SECISBP2L: variants seen among roughly 807,000 people sequenced by gnomAD.
SECISBP2L encodes SECIS binding protein 2 like, also known as selenocysteine insertion sequence-binding protein 2-like.
SECISBP2L carries 43 observed loss-of-function variants against 114.7 expected under a neutral mutation model. That is an observed-to-expected ratio of 0.38 (90% CI 0.29 to 0.48). The LOEUF (loss-of-function observed/expected upper bound fraction) is 0.48, where lower values mean the gene tolerates loss of function less well. SECISBP2L is among the 20% of genes least tolerant of loss of function. The pLI is 0.98. For missense variants in SECISBP2L, 1,136 were observed against 1,301.1 expected (o/e 0.87, Z 1.95); for synonymous variants, 451 against 439.7 (o/e 1.03, Z -0.32).
At chr15:49,016,223 G>T (rs1490908733) in intron 11 of SECISBP2L, among the ~76,000 whole-genome samples, 1 of 152,176 alleles carries the variant, frequency 6.6e-6, no homozygotes, top group African/African-American at 2.4e-5. Flanking sequence ...GGGAAAAGCA[G>T]GTAGTAGTAA....
intron 4 of SECISBP2L, among the ~76,000 whole-genome samples, chr15:49,031,797 G>C (rs1902894166): frequency 6.6e-6 from 1 of 152,124 alleles, no homozygotes; most frequent in Non-Finnish European, 1.5e-5. Context: ...TAGAAAGAAT[G>C]TCTTTGTGGT....
At position 49,017,359 on chromosome 15, in the gene SECISBP2L, G is replaced by C. The variant is rs575051980; in HGVS notation, c.1251+189C>G. Among the ~76,000 whole-genome samples, 4 of 152,208 alleles carry C rather than the reference G, an allele frequency of 2.6e-5. No individual in the cohort carries two copies. In the South Asian group the frequency reaches 6.2e-4, roughly 24 times the overall value. On this transcript the variant is annotated intron_variant, in intron 9 of 17. Transcript: ENST00000559471. ...AATGGTATTTTAGTAATAGAACTGT[G>C]GATTTCATAGGGTATTATCTTTGTT...
At chr15:49,035,809 T>TA in intron 2 of SECISBP2L, 151 bp from the exon 3 acceptor site, 1 of 701,144 alleles carries the variant, frequency 1.4e-6, no homozygotes, top group South Asian at 2.0e-5. Flanking sequence ...CATCATCTTA[T>TA]AAATTTCTTT....
chr15:49,013,275 CTCAG>C (rs1381935953), intron 11 of SECISBP2L: 1 of 150,598 alleles, frequency 6.6e-6, no homozygotes, highest in Non-Finnish European at 1.5e-5. Context: ...CTCAGCCTCA[CTCAG>C]TAATTATTTT....
At chr15:48,998,236 A>C (rs1902134946) in intron 16 of SECISBP2L, among the ~76,000 whole-genome samples, 1 of 152,250 alleles carries the variant, frequency 6.6e-6, no homozygotes, top group South Asian at 2.1e-4. Context: ...TATAAGTAGC[A>C]TCCTTTATCC....
intron 11 of SECISBP2L, 60 bp from the exon 12 acceptor site, chr15:49,012,877 T>C (rs1902464782): frequency 2.6e-6 from 4 of 1,525,844 alleles, no homozygotes; most frequent in Non-Finnish European, 3.5e-6. Context: ...ACTTTCAAAA[T>C]TTCCAATAAC....
At chr15:49,008,153 T>G (rs1448851252) in intron 14 of SECISBP2L, among the ~76,000 whole-genome samples, 1 of 152,214 alleles carries the variant, frequency 6.6e-6, no homozygotes, top group Non-Finnish European at 1.5e-5. Context: ...TTGGTGTTTC[T>G]TATCTATGAA....
At chr15:48,997,064 T>C (rs1202103200) in intron 16 of SECISBP2L, among the ~76,000 whole-genome samples, 1 of 152,172 alleles carries the variant, frequency 6.6e-6, no homozygotes, top group Non-Finnish European at 1.5e-5. Flanking sequence ...TGGGCATCAC[T>C]GAGGAAGTCA....
chr15:48,988,750 G>A lies in SECISBP2L; in HGVS notation c.*3494C>T. 1 of 304,656 alleles carries A rather than the reference G, an allele frequency of 3.3e-6. No individual in the cohort carries two copies. Among genetic ancestry groups the A allele is most frequent in the Admixed American group, 3.9e-5 (1 of 25,380 alleles). 18.9% of individuals were successfully genotyped at this position (304,656 alleles called of 1,614,324 possible). On this transcript the variant is annotated 3_prime_UTR_variant, in exon 18 of 18. Coordinates refer to ENST00000559471, the MANE Select transcript of SECISBP2L (RefSeq NM_001193489.2). ...TGATATAACAATTATCCTTCATACA[G>A]CAAAAGATGAAAATCCCTTCATGTT...
rs1246397249 is a variant in SECISBP2L at position 48,992,387 on chromosome 15, C to T, written c.3163G>A (p.Ala1055Thr). The T allele has an allele frequency of 6.2e-7, 1 of 1,614,192 alleles. No homozygotes were observed. The change falls in exon 18 of 18, where the codon GCG becomes ACG. Residue 1055 changes from alanine (A) to threonine (T), a missense_variant. By Grantham distance (58) the Ala-to-Thr change is moderately conservative (BLOSUM62 0). This residue lies in a region of SECISBP2L where 684 missense variants were observed against 848.7 expected (regional missense o/e 0.81). Coordinates refer to ENST00000559471, the MANE Select transcript of SECISBP2L (RefSeq NM_001193489.2). ...ATCCCTGGCTCCAGCACCTCAGGCG[C>T]CTCTGCTTCCTCTTCTCCACTTTGC... ...VEQSGEEEAE[A>T]PEVLEPGMDS...
rs374530510 is a variant in SECISBP2L, at chr15:49,008,843, C to A, written c.2027+373G>T. Among the ~76,000 whole-genome samples, 16 of 152,118 alleles carry A rather than the reference C, an allele frequency of 1.1e-4. No homozygotes were observed. The East Asian group carries it at 2.7e-3, about 26-fold the overall frequency. On this transcript the variant is annotated intron_variant, in intron 14 of 17. Transcript: ENST00000559471. ...ACTTCATATAATAGGGTCTTAGAAA[C>A]CTATTAATTGGTTAGAGTGATCTTT...
chr15:49,041,390 ACT>A (rs1008706691), intron 1 of SECISBP2L, among the ~76,000 whole-genome samples: 18 of 152,172 alleles, frequency 1.2e-4, no homozygotes, highest in African/African-American at 4.3e-4. Context: ...AAAGCTCAAG[ACT>A]CTGTCAGAGT....
At chr15:49,014,603 G>A (rs1902500513) in intron 11 of SECISBP2L, among the ~76,000 whole-genome samples, 2 of 152,200 alleles carry the variant, frequency 1.3e-5, no homozygotes, top group African/African-American at 4.8e-5. Context: ...ATTCAAGACA[G>A]AATCTGGAGT....
chr15:49,004,623 T>G (rs965448298), intron 14 of SECISBP2L, among the ~76,000 whole-genome samples: 2 of 152,244 alleles, frequency 1.3e-5, no homozygotes, highest in African/African-American at 4.8e-5. Context: ...GAGATTCTAG[T>G]ACGTTGTGTC....
chr15:48,989,200 T>C lies in SECISBP2L; in HGVS notation c.*3044A>G, dbSNP rs1163112407. ...CTTTATACATATATTAAAGTAACAATGTGTTAAGATTGAACAGTTTCATGT... is the reference window on the plus strand; with the variant it reads ...CTTTATACATATATTAAAGTAACAACGTGTTAAGATTGAACAGTTTCATGT... On this transcript the variant is annotated 3_prime_UTR_variant, in exon 18 of 18. Transcript: ENST00000559471. 3.9e-5 allele frequency: 6 copies of C among 152,226 alleles called. No individual in the cohort carries two copies. The highest frequency in any genetic ancestry group is 2.0e-4 in the Admixed American group (3 of 15,206). 9.4% of individuals were successfully genotyped at this position (152,226 alleles called of 1,614,324 possible).
rs780503193 is a variant in SECISBP2L, at chr15:49,017,012, C to G, written c.1255G>C (p.Asp419His). 6.2e-7 allele frequency: 1 copy of G among 1,610,696 alleles called. No individual in the cohort carries two copies. ...IQQKLSSKVL[D>H]DLPENSPINI... ...ATTGGTGAGTTTTCAGGTAAATCAT[C>G]CAACTATGATAACCAGAAAAAACAC... Residue 419 changes from aspartate to histidine, a missense_variant, in exon 10 of 18, where the codon GAT (aspartate) becomes CAT (histidine). Physicochemically the swap from Asp to His is moderately conservative, Grantham distance 81. Around this residue, in one of 2 missense-constraint regions of SECISBP2L, gnomAD observed 684 missense variants for 848.7 expected, o/e 0.81. Coordinates refer to ENST00000559471, the MANE Select transcript of SECISBP2L (RefSeq NM_001193489.2).
At position 49,017,608 on chromosome 15, in the gene SECISBP2L, T is replaced by C; in HGVS notation, c.1191A>G (p.Glu397=). The stretch of plus-strand genomic sequence containing the variant: ...CCTTAGCATTTCCATTCTCATTTAG[T>C]TCTTGAAACCCATCTTCATCCTGAA... The part of the protein sequence containing the change: ...LYFEDEDGFQ[E]LNENGNAKDE... The change falls in exon 9 of 18, where the codon GAA becomes GAG. Residue 397 remains glutamate (E), a synonymous_variant. Coordinates refer to ENST00000559471, the MANE Select transcript of SECISBP2L (RefSeq NM_001193489.2). 1 of 1,608,988 alleles carries C rather than the reference T, an allele frequency of 6.2e-7. No homozygotes were observed. The highest frequency in any genetic ancestry group is 1.1e-5 in the South Asian group (1 of 90,130).
rs759098942 is a variant in SECISBP2L at position 49,028,573 on chromosome 15, A to G, written c.774T>C (p.Ser258=). ...CGGCTTCACTAGCCCCCTGCTCACT[A>G]GAAGATTCAGCAGTAGGGTGGGATG... ...RRASHPTAES[S]SEQGASEADI... is the part of the protein sequence containing the mutation. The change falls in exon 5 of 18, where the codon TCT becomes TCC. Residue 258 remains serine (S), a synonymous_variant. Transcript: ENST00000559471. 1 of 1,614,102 alleles carries G rather than the reference A, an allele frequency of 6.2e-7. No homozygotes were observed. Among genetic ancestry groups the G allele is most frequent in the African/African-American group, 1.3e-5 (1 of 75,032 alleles).
chr15:48,994,842 G>GAAA (rs34085482), intron 17 of SECISBP2L, among the ~76,000 whole-genome samples: 9 of 133,036 alleles, frequency 6.8e-5, no homozygotes, highest in African/African-American at 1.6e-4. Flanking sequence ...AAGTGCTGGG[G>GAAA]AAAAAAAAAA....
Sources: allele counts gnomAD v4.1 joint callset (sites outside exome capture counted in the v4.1 genomes callset), GRCh38; gene constraint gnomAD v4.1.1; regional missense constraint gnomAD v4.1.1; transcripts MANE v1.5; gene names NCBI Gene and HGNC (gene_info 2026-07-23, HGNC 2026-07-21).